IQSEC1: variants seen among roughly 807,000 people sequenced by gnomAD.
IQSEC1 encodes IQ motif and Sec7 domain ArfGEF 1, also known as IQ motif and SEC7 domain-containing protein 1.
A neutral mutation model predicts 91.0 loss-of-function variants in IQSEC1; 31 were observed. The ratio of observed to expected loss-of-function variants is 0.34; its 90% CI spans 0.26 to 0.46. The LOEUF (loss-of-function observed/expected upper bound fraction) is 0.46. Among genes scored for constraint, IQSEC1 ranks in the 20% least tolerant of loss-of-function variants. The pLI is 1.00. For synonymous variants in IQSEC1, 699 were observed against 662.6 expected (o/e 1.05, Z -0.84); for missense variants, 1,388 against 1,575.6 (o/e 0.88, Z 2.02).
At chr3:12,963,723 C>G (rs547224631) in intron 1 of IQSEC1, among the ~76,000 whole-genome samples, 1 of 152,330 alleles carries the variant, frequency 6.6e-6, no homozygotes, top group African/African-American at 2.4e-5. Context: ...TCCCCAAGTC[C>G]TGTGCTCTGT....
intron 1 of IQSEC1, among the ~76,000 whole-genome samples, chr3:13,188,378 C>T (rs1460535156): frequency 6.6e-6 from 1 of 152,184 alleles, no homozygotes; most frequent in African/African-American, 2.4e-5. Flanking sequence ...CCACTGTGAC[C>T]ACTGCAGGGA....
intron 1 of IQSEC1, among the ~76,000 whole-genome samples, chr3:13,208,563 C>T (rs1694385618): frequency 6.6e-6 from 1 of 152,188 alleles, no homozygotes; most frequent in Non-Finnish European, 1.5e-5. Flanking sequence ...TGCCTTGGTC[C>T]CCGATCCCAG....
intron 1 of IQSEC1, among the ~76,000 whole-genome samples, chr3:13,267,687 C>T (rs543047410): frequency 2.8e-4 from 43 of 151,382 alleles, no homozygotes; most frequent in Admixed American, 1.8e-3. Context: ...GCACCATCTC[C>T]GCTCACTGCA....
In IQSEC1 at chr3:12,899,662, C is replaced by T. The variant is rs1416051179; in HGVS notation, c.*1321G>A. 1.0e-6 allele frequency: 1 copy of T among 985,320 alleles called. No homozygotes were observed. The highest frequency in any genetic ancestry group is 1.7e-5 in the African/African-American group (1 of 57,230). 61.0% of individuals were successfully genotyped at this position (985,320 alleles called of 1,614,324 possible). ...TGAGGACACAGGGGTTCTGCTAGCA[C>T]ATGGCTACATGGAATTACGGTGATC... On this transcript the variant is annotated 3_prime_UTR_variant, in exon 14 of 14. Coordinates refer to ENST00000613206, the MANE Select transcript of IQSEC1 (RefSeq NM_001134382.3).
chr3:13,177,929 A>C (rs1014376562), intron 1 of IQSEC1, among the ~76,000 whole-genome samples: 1 of 152,214 alleles, frequency 6.6e-6, no homozygotes, highest in Non-Finnish European at 1.5e-5. Context: ...CCCATAAGAA[A>C]AGAAGCCCCC....
chr3:12,941,327 CCCAGAAGGAACG>C (rs1349758096), intron 2 of IQSEC1, among the ~76,000 whole-genome samples: 74 of 152,324 alleles, frequency 4.9e-4, no homozygotes, highest in African/African-American at 1.6e-3. Context: ...TCTAGAAGTC[CCCAGAAGGAACG>C]CCAGACAACC....
At position 13,193,484 on chromosome 3, in the gene IQSEC1, C is replaced by T. The variant is rs975769740; in HGVS notation, c.273-29351G>A. Among the ~76,000 whole-genome samples, 5 of 152,160 alleles carry T rather than the reference C, an allele frequency of 3.3e-5. No individual in the cohort carries two copies. In the East Asian group the frequency reaches 5.8e-4, roughly 18 times the overall value. The stretch of plus-strand genomic sequence containing the variant: ...CACGCTGGGGGATGAAGGATGTGGA[C>T]GGTCGGGTGGTGACTGGGAACAAGG... On this transcript the variant is annotated intron_variant, in intron 1 of 15. Transcript: ENST00000648114. The surrounding 1 kb of genome is among the most constrained non-coding windows in gnomAD (Gnocchi z 4.2).
At chr3:13,029,306 T>C (rs1365736023) in intron 1 of IQSEC1, among the ~76,000 whole-genome samples, 1 of 152,190 alleles carries the variant, frequency 6.6e-6, no homozygotes. Flanking sequence ...GCTATTACTA[T>C]CTGATCTATA....
At chr3:13,148,292 GC>G (rs1706930399) in intron 2 of IQSEC1, among the ~76,000 whole-genome samples, 1 of 152,100 alleles carries the variant, frequency 6.6e-6, no homozygotes, top group Non-Finnish European at 1.5e-5. Context: ...GAGGAGGGAG[GC>G]CTGGTACGGG....
chr3:13,257,271 C>T (rs1695306650), intron 1 of IQSEC1, among the ~76,000 whole-genome samples: 1 of 152,172 alleles, frequency 6.6e-6, no homozygotes, highest in Admixed American at 6.5e-5. Context: ...TAAGCTGCCC[C>T]TGAGAAGCTT....
rs924217496 is a variant in IQSEC1, at chr3:13,073,247, G to T, written c.-233C>A. Reference sequence around the variant, plus strand: ...CTGGCACGTAGCGCGCGCTCACACCGTGCCCAGGAGCGAGCGAGGACGTCG... The same window carrying T: ...CTGGCACGTAGCGCGCGCTCACACCTTGCCCAGGAGCGAGCGAGGACGTCG... On this transcript the variant is annotated 5_prime_UTR_variant, in exon 1 of 14. Transcript: ENST00000613206. 4 of 570,586 alleles carry T rather than the reference G, an allele frequency of 7.0e-6. No homozygotes were observed. Among genetic ancestry groups the T allele is most frequent in the African/African-American group, 5.8e-5 (3 of 51,846 alleles). The allele number at this position is 570,586 out of a possible 1,614,324, so 35.3% of individuals were successfully genotyped here.
chr3:13,146,262 C>T (rs918558924), intron 2 of IQSEC1, among the ~76,000 whole-genome samples: 5 of 152,078 alleles, frequency 3.3e-5, no homozygotes, highest in African/African-American at 1.2e-4. Flanking sequence ...TCTGGGATTA[C>T]AGGTGTGAGC....
In IQSEC1 at chr3:12,901,542, A is replaced by G. The variant is rs1339938585; in HGVS notation, c.2806-20T>C. 6 of 1,535,290 alleles carry G rather than the reference A, an allele frequency of 3.9e-6. No homozygotes were observed. Among genetic ancestry groups the G allele is most frequent in the Non-Finnish European group, 5.3e-6 (6 of 1,140,574 alleles). ...GGACCCCTAAAAAGGAAATTCATAG[A>G]AATCAAAATTAAAAGATCTTCAAGC... is the stretch of plus-strand genomic sequence containing the variant. On this transcript the variant is annotated intron_variant, in intron 13 of 13. Coordinates refer to ENST00000613206, the MANE Select transcript of IQSEC1 (RefSeq NM_001134382.3).
intron 2 of IQSEC1, among the ~76,000 whole-genome samples, chr3:13,097,215 G>A (rs987591628): frequency 2.8e-4 from 43 of 152,206 alleles, no homozygotes; most frequent in African/African-American, 9.7e-4. Flanking sequence ...AGAGGGAAGC[G>A]ATCGCCCCTG....
chr3:12,923,872 G>A (rs1696863195), intron 4 of IQSEC1, among the ~76,000 whole-genome samples: 1 of 152,256 alleles, frequency 6.6e-6, no homozygotes, highest in African/African-American at 2.4e-5. Context: ...CCTGCTCTGA[G>A]TGCTCTTCCT....
intron 9 of IQSEC1, among the ~76,000 whole-genome samples, chr3:12,912,083 G>A (rs1695613621): frequency 6.6e-6 from 1 of 152,356 alleles, no homozygotes; most frequent in East Asian, 1.9e-4. Context: ...GCTGACCTTG[G>A]TAAGAAGCCA....
chr3:13,060,011 G>C (rs1705009887), intron 1 of IQSEC1, among the ~76,000 whole-genome samples: 1 of 152,230 alleles, frequency 6.6e-6, no homozygotes, highest in South Asian at 2.1e-4. Flanking sequence ...GCGCCGGCTT[G>C]GGGATGGCAT....
chr3:13,149,473 C>T (rs1706954369), intron 2 of IQSEC1, among the ~76,000 whole-genome samples: 2 of 152,010 alleles, frequency 1.3e-5, no homozygotes, highest in Non-Finnish European at 2.9e-5. Context: ...CAAATTCCCC[C>T]GAAGAGCAGA....
rs533910748 is a variant in IQSEC1 at position 13,137,519 on chromosome 3, A to T, written c.302+26585T>A. ...TCAACATCTGCAGTAACCTGTGAGC[A>T]ACAGAATGACAAACACAAGATTCCA... On this transcript the variant is annotated intron_variant, in intron 2 of 15. Transcript: ENST00000648114. Among the ~76,000 whole-genome samples, 8 of 152,358 alleles carry T rather than the reference A, an allele frequency of 5.3e-5. No individual in the cohort carries two copies. In the East Asian group the frequency reaches 1.5e-3, roughly 29 times the overall value.
Sources: gnomAD v4.1 joint callset for allele counts (sites outside exome capture counted in the v4.1 genomes callset) on GRCh38, gnomAD v4.1.1 for gene constraint, Gnocchi (gnomAD v3.1) non-coding constraint, MANE v1.5 for transcripts, NCBI Gene and HGNC (gene_info 2026-07-23, HGNC 2026-07-21) for gene names.